CNTN6: variants seen among roughly 807,000 people sequenced by gnomAD.
The protein encoded by CNTN6 is contactin-6.
In CNTN6, 137 loss-of-function variants were observed where a neutral mutation model predicts 122.8. The observed-to-expected ratio is 1.12, with a 90% CI of 0.97 to 1.29. CNTN6 has a LOEUF of 1.29. Among genes scored for constraint, CNTN6 ranks in the 50% most tolerant of loss-of-function variants. The pLI is 0.00. For synonymous variants in CNTN6, 570 were observed against 426.0 expected (o/e 1.34, Z -4.16); for missense variants, 1,634 against 1,223.4 (o/e 1.34, Z -5.01).
At chr3:1,345,071 G>C (rs900005178) in intron 11 of CNTN6, among the ~76,000 whole-genome samples, 1 of 151,348 alleles carries the variant, frequency 6.6e-6, no homozygotes, top group African/African-American at 2.4e-5. Flanking sequence ...ATTTTGCCTG[G>C]ACAGGGGTAT....
chr3:1,300,593 GAAAGAAAGAA>G (rs1697200736), intron 7 of CNTN6, among the ~76,000 whole-genome samples: 4 of 125,824 alleles, frequency 3.2e-5, no homozygotes. Flanking sequence ...AAGAAAGAAA[GAAAGAAAGAA>G]AGAGAGAAAG....
intron 4 of CNTN6, 112 bp downstream of exon 4, chr3:1,228,105 CTT>C (rs2094308493): frequency 5.3e-6 from 5 of 937,038 alleles, no homozygotes; most frequent in Non-Finnish European, 6.3e-6. Context: ...ATGAATATGA[CTT>C]TATGGGCTTT....
At chr3:1,137,372 C>A (rs897789993) in intron 1 of CNTN6, among the ~76,000 whole-genome samples, 1 of 152,178 alleles carries the variant, frequency 6.6e-6, no homozygotes, top group Non-Finnish European at 1.5e-5. Flanking sequence ...AATGAGAAGT[C>A]AAATGTTTAT....
intron 7 of CNTN6, among the ~76,000 whole-genome samples, chr3:1,307,190 TC>T (rs1056311054): frequency 3.9e-5 from 6 of 152,138 alleles, no homozygotes; most frequent in African/African-American, 1.4e-4. Flanking sequence ...TTCCAGACTT[TC>T]AGTGAAGGAA....
intron 5 of CNTN6, among the ~76,000 whole-genome samples, chr3:1,284,224 T>A (rs953545300): frequency 2.6e-5 from 4 of 152,204 alleles, no homozygotes; most frequent in Non-Finnish European, 5.9e-5. Context: ...TCAGTAAAGA[T>A]GTTGACAATT....
chr3:1,327,466 C>A lies in CNTN6; in HGVS notation c.1093C>A (p.Gln365Lys). The A allele has an allele frequency of 3.7e-6, 6 of 1,609,862 alleles. 1 individual carries two copies. Among genetic ancestry groups the A allele is most frequent in the Middle Eastern group, 3.3e-4 (2 of 6,004 alleles). The change falls in exon 10 of 23, where the codon CAA becomes AAA. Residue 365 changes from glutamine to lysine, a missense_variant. By Grantham distance (53) the Gln-to-Lys change is moderately conservative (BLOSUM62 1). Transcript: ENST00000446702. Reference sequence around the variant, plus strand: ...CCTTTTCCTTTATTAGGAGAGAATTCAAATAGAAAATGGGACACTCATCAT... The same window carrying A: ...CCTTTTCCTTTATTAGGAGAGAATTAAAATAGAAAATGGGACACTCATCAT... Reference protein sequence around the residue: ...GERLNPEERIQIENGTLIITM... With the variant: ...GERLNPEERIKIENGTLIITM...
intron 11 of CNTN6, among the ~76,000 whole-genome samples, chr3:1,346,931 CTGTTACTTT>C (rs1704817057): frequency 6.6e-6 from 1 of 152,146 alleles, no homozygotes; most frequent in Non-Finnish European, 1.5e-5. Flanking sequence ...GGTAGGACAT[CTGTTACTTT>C]TGTTTTCTGT....
At chr3:1,277,346 C>CTTTTCTT (rs1692561797) in intron 4 of CNTN6, among the ~76,000 whole-genome samples, 10 of 80,186 alleles carry the variant, frequency 1.2e-4, no homozygotes, top group Admixed American at 8.3e-4. Flanking sequence ...AGTAGGTTTT[C>CTTTTCTT]TTTTTTTTTT....
intron 4 of CNTN6, among the ~76,000 whole-genome samples, chr3:1,259,701 G>C (rs2094813709): frequency 6.6e-6 from 1 of 152,004 alleles, no homozygotes; most frequent in East Asian, 1.9e-4. Flanking sequence ...GTTACATTCT[G>C]AGCCTTAATT....
chr3:1,240,782 G>T (rs992529319), intron 4 of CNTN6, among the ~76,000 whole-genome samples: 2 of 152,110 alleles, frequency 1.3e-5, no homozygotes, highest in East Asian at 3.9e-4. Context: ...GACTTTGTGT[G>T]AGCAACATGG....
intron 20 of CNTN6, among the ~76,000 whole-genome samples, chr3:1,398,295 T>G (rs1171101205): frequency 6.6e-6 from 1 of 152,116 alleles, no homozygotes; most frequent in African/African-American, 2.4e-5. Flanking sequence ...CTTTCAGAAG[T>G]TTTATTTGTC....
At chr3:1,171,990 A>G (rs2125299200) in intron 2 of CNTN6, among the ~76,000 whole-genome samples, 1 of 152,214 alleles carries the variant, frequency 6.6e-6, no homozygotes, top group South Asian at 2.1e-4. Context: ...TCAGCCTTCA[A>G]TTTCACACCA....
intron 1 of CNTN6, among the ~76,000 whole-genome samples, chr3:1,131,760 C>A (rs536151006): frequency 6.6e-6 from 1 of 152,164 alleles, no homozygotes; most frequent in East Asian, 1.9e-4. Flanking sequence ...ATGCCCTTTG[C>A]CTTTTCTATC....
intron 4 of CNTN6, among the ~76,000 whole-genome samples, chr3:1,265,894 T>C (rs549920550): frequency 1.3e-5 from 2 of 152,300 alleles, no homozygotes; most frequent in South Asian, 4.1e-4. Context: ...ATTGCTTTGA[T>C]TTTTTAATGA....
chr3:1,244,094 C>A (rs561095305), intron 4 of CNTN6, among the ~76,000 whole-genome samples: 131 of 152,176 alleles, frequency 8.6e-4, no homozygotes, highest in South Asian at 1.2e-3. Context: ...CGTTTTCTGG[C>A]CATTTAGAGC....
Position 1,298,008 on chromosome 3 carries a change from T to G in CNTN6, c.761+17T>G, listed in dbSNP as rs983556113. On this transcript the variant is annotated intron_variant, in intron 7 of 22. Transcript: ENST00000446702. Reference sequence around the variant, plus strand: ...CCTTGGAAAGTAAGGTTTTTGTTTTTGTTTTTGTTTTCCTGGTTGCATTAA... The same window carrying G: ...CCTTGGAAAGTAAGGTTTTTGTTTTGGTTTTTGTTTTCCTGGTTGCATTAA... 1.2e-5 allele frequency: 18 copies of G among 1,560,770 alleles called. No homozygotes were observed. Among genetic ancestry groups the G allele is most frequent in the Non-Finnish European group, 1.5e-5 (17 of 1,148,504 alleles).
chr3:1,388,621 C>A (rs372089259), intron 20 of CNTN6, among the ~76,000 whole-genome samples: 1 of 145,656 alleles, frequency 6.9e-6, no homozygotes, highest in Non-Finnish European at 1.5e-5. Flanking sequence ...CTCTGAGCTA[C>A]GGGAGGACAT....
At chr3:1,388,312 C>T (rs1340505326) in intron 20 of CNTN6, among the ~76,000 whole-genome samples, 1 of 146,918 alleles carries the variant, frequency 6.8e-6, no homozygotes, top group African/African-American at 2.5e-5. Context: ...ACTGACACCT[C>T]ACACGGCAGG....
chr3:1,387,892 A>T (rs1316127175), intron 20 of CNTN6, among the ~76,000 whole-genome samples: 4 of 152,144 alleles, frequency 2.6e-5, no homozygotes, highest in Non-Finnish European at 4.4e-5. Flanking sequence ...TATATCCTGC[A>T]CCCGGCTCGG....
Sources: allele counts gnomAD v4.1 joint callset (sites outside exome capture counted in the v4.1 genomes callset), GRCh38; gene constraint gnomAD v4.1.1; transcripts MANE v1.5; gene names NCBI Gene and HGNC (gene_info 2026-07-23, HGNC 2026-07-21).